The following MCRS1 variants were observed in gnomAD, a reference collection of about 807,000 sequenced individuals.
The protein encoded by MCRS1 is microspherule protein 1.
A neutral mutation model predicts 62.9 loss-of-function variants in MCRS1; 22 were observed. That is an observed-to-expected ratio of 0.35 (90% CI 0.25 to 0.50). The LOEUF is 0.50. Among genes scored for constraint, MCRS1 ranks in the 20% least tolerant of loss-of-function variants. MCRS1 has a pLI of 0.98. For synonymous variants in MCRS1, 244 were observed against 233.5 expected (o/e 1.04, Z -0.41); for missense variants, 456 against 601.1 (o/e 0.76, Z 2.52).
At position 49,558,917 on chromosome 12, in the gene MCRS1, G is replaced by A. The variant is rs967931087; in HGVS notation, c.1228C>T (p.Arg410Trp). 2 of 1,612,712 alleles carry A rather than the reference G, an allele frequency of 1.2e-6. No individual in the cohort carries two copies. The highest frequency in any genetic ancestry group is 1.7e-5 in the Admixed American group (1 of 59,988). The change falls in exon 14 of 15, where the codon CGG (arginine) becomes TGG (tryptophan). Residue 410 changes from arginine (R) to tryptophan (W), a missense_variant. Coordinates refer to ENST00000343810, the MANE Select transcript of MCRS1 (RefSeq NM_006337.5). Reference protein sequence around the residue: ...GDFFIANEGRRPIYIDGRPVL... With the variant: ...GDFFIANEGRWPIYIDGRPVL... ...GGCCGTCCATCGATGTAGATGGGCC[G>A]TCGACCCTCATTGGCAATGAAGAAA...
intron 5 of MCRS1, 57 bp downstream of exon 5, chr12:49,564,680 G>A: frequency 2.5e-6 from 4 of 1,602,594 alleles, no homozygotes; most frequent in Non-Finnish European, 3.4e-6. Context: ...CTAATTTTGG[G>A]GTGCGAACTG....
chr12:49,561,177 G>A (rs945482293), intron 8 of MCRS1, among the ~76,000 whole-genome samples: 2 of 152,190 alleles, frequency 1.3e-5, no homozygotes, highest in African/African-American at 4.8e-5. Flanking sequence ...GGGCAACAGG[G>A]AAAGACCCTG....
chr12:49,564,873 G>C lies in MCRS1; in HGVS notation c.311C>G (p.Pro104Arg). ...GGCTGGGGCTGGGCTGGGTGGCACA[G>C]GAGTGCTGGGGGCTTTGGATACCTG... ...KKKVSKAPSTPVPPSPAPAPG... is the reference protein window; with the variant it reads ...KKKVSKAPSTRVPPSPAPAPG... Residue 104 changes from proline to arginine, a missense_variant, in exon 5 of 15, where the codon CCT (proline) becomes CGT (arginine). Transcript: ENST00000343810. 1 of 1,605,634 alleles carries C rather than the reference G, an allele frequency of 6.2e-7. No homozygotes were observed.
chr12:49,559,024 T>C lies in MCRS1; in HGVS notation c.1175-54A>G, dbSNP rs2138180264. On this transcript the variant is annotated intron_variant, in intron 13 of 14. Transcript: ENST00000343810. This position sits in a 1 kb window ranked among gnomAD's most constrained non-coding sequence, Gnocchi z 5.2. The stretch of plus-strand genomic sequence containing the variant: ...ATGGGATGGGGAGGGATTGATGGGA[T>C]GGGGAAAGGCCAGAGAGAGCCAGGA... 2 of 1,605,660 alleles carry C rather than the reference T, an allele frequency of 1.2e-6. No individual in the cohort carries two copies. Among genetic ancestry groups the C allele is most frequent in the Middle Eastern group, 1.7e-4 (1 of 6,038 alleles).
chr12:49,564,954 C>A, intron 4 of MCRS1, 59 bp from the exon 5 acceptor site: 1 of 1,514,516 alleles, frequency 6.6e-7, no homozygotes, highest in South Asian at 1.3e-5. Flanking sequence ...GCTGGCGCTT[C>A]ATGACTAGAG....
chr12:49,563,046 G>T lies in MCRS1; in HGVS notation c.760C>A (p.His254Asn). The T allele has an allele frequency of 6.3e-7, 1 of 1,586,372 alleles. No homozygotes were observed. Among genetic ancestry groups the T allele is most frequent in the East Asian group, 2.3e-5 (1 of 43,970 alleles). ...LARTAKALQA[H>N]WQLMKQYYLL... ...TAATACTGCTTCATGAGCTGCCAGT[G>T]GGCCTGCAGGGCCTTCGCGGTACGG... Residue 254 changes from histidine (H) to asparagine (N), a missense_variant, in exon 8 of 15, where the codon CAC (histidine) becomes AAC (asparagine). Coordinates refer to ENST00000343810, the MANE Select transcript of MCRS1 (RefSeq NM_006337.5).
At position 49,566,685 on chromosome 12, in the gene MCRS1, C is replaced by A. The variant is rs1035894220; in HGVS notation, c.10+37G>T. 3.7e-6 allele frequency: 6 copies of A among 1,613,646 alleles called. No homozygotes were observed. In the South Asian group the frequency reaches 6.6e-5, roughly 18 times the overall value. On this transcript the variant is annotated intron_variant, in intron 2 of 14. Transcript: ENST00000343810. ...GAGTGGAATCAGCAGATGCTTGGCG[C>A]CCGAGCATTTGGGGAGCTGTCCCGG...
At chr12:49,566,241 G>T in intron 2 of MCRS1, 26 bp from the exon 3 acceptor site, 1 of 1,604,104 alleles carries the variant, frequency 6.2e-7, no homozygotes. Flanking sequence ...TGGTGGATTC[G>T]GGCCTCCTAA....
In MCRS1 at chr12:49,562,882, A is replaced by C. The variant is rs1296897379; in HGVS notation, c.805+119T>G. 2.3e-6 allele frequency: 3 copies of C among 1,319,888 alleles called. No homozygotes were observed. In the East Asian group the frequency reaches 7.6e-5, roughly 33 times the overall value. The allele number at this position is 1,319,888 out of a possible 1,614,324, so 81.8% of individuals were successfully genotyped here. The stretch of plus-strand genomic sequence containing the variant: ...TTTTGCAATGTGAGGTGAACAAGAC[A>C]CTGGGGATCACTGAGGAATCTGTTA... On this transcript the variant is annotated intron_variant, in intron 8 of 14. Transcript: ENST00000343810.
chr12:49,564,947 G>A (rs1938974932), intron 4 of MCRS1, 52 bp from the exon 5 acceptor site: 2 of 1,514,070 alleles, frequency 1.3e-6, no homozygotes, highest in Admixed American at 4.4e-5. Flanking sequence ...CCAGTCAGCT[G>A]GCGCTTCATG....
intron 1 of MCRS1, among the ~76,000 whole-genome samples, chr12:49,567,117 A>G (rs575232055): frequency 1.3e-5 from 2 of 152,294 alleles, no homozygotes; most frequent in South Asian, 2.1e-4. Context: ...TTCTACTGGT[A>G]TCTCCTAGGT....
intron 8 of MCRS1, 138 bp from the exon 9 acceptor site, chr12:49,560,508 T>C (rs1938710517): frequency 5.4e-6 from 4 of 735,608 alleles, no homozygotes; most frequent in Non-Finnish European, 9.7e-6. Context: ...CCATACCAGA[T>C]TAGGCTGGGC....
intron 9 of MCRS1, 95 bp downstream of exon 9, chr12:49,560,200 G>C (rs1938691308): frequency 7.2e-7 from 1 of 1,391,522 alleles, no homozygotes; most frequent in Non-Finnish European, 1.0e-6. Flanking sequence ...AGCACCAACG[G>C]GAGCCCAAGG....
At chr12:49,565,285 G>C in intron 4 of MCRS1, 1 of 985,390 alleles carries the variant, frequency 1.0e-6, no homozygotes, top group South Asian at 4.7e-5. Context: ...ATAGATGCAT[G>C]CTCCATGCCT....
chr12:49,558,680 AG>A lies in MCRS1; in HGVS notation c.1351del (p.Leu451SerfsTer34). 6.2e-7 allele frequency: 1 copy of A among 1,613,748 alleles called. No homozygotes were observed. The highest frequency in any genetic ancestry group is 8.5e-7 in the Non-Finnish European group (1 of 1,180,028). ...GATCTTGGCAGCCTCAGCCCTGATG[AG>A]GGCAATGAGGTCCTGGTTGATAAGG... ...VFLINQDLIA[L>X]IRAEAAKITP... On this transcript the variant is annotated frameshift_variant, in exon 15 of 15. Transcript: ENST00000343810. LOFTEE classifies it high-confidence loss of function.
At position 49,564,476 on chromosome 12, in the gene MCRS1, C is replaced by T; in HGVS notation, c.557+5G>A. On this transcript the variant is annotated splice_donor_5th_base_variant and intron_variant, in intron 6 of 14. Transcript: ENST00000343810. ...TCCCCACTGCTGGAACCAGCTCCCA[C>T]TCACTTGGAGATGACAGGATCGTAG... 1 of 1,608,724 alleles carries T rather than the reference C, an allele frequency of 6.2e-7. No homozygotes were observed. The highest frequency in any genetic ancestry group is 1.1e-5 in the South Asian group (1 of 90,540).
chr12:49,564,297 C>T (rs924668238), intron 6 of MCRS1, among the ~76,000 whole-genome samples, 184 bp downstream of exon 6: 2 of 152,208 alleles, frequency 1.3e-5, no homozygotes, highest in Admixed American at 6.5e-5. Flanking sequence ...TGCAGACTCC[C>T]TTGCCTGGAG....
chr12:49,564,581 G>A lies in MCRS1; in HGVS notation c.457C>T (p.Leu153=), dbSNP rs1291054667. 2 of 1,609,850 alleles carry A rather than the reference G, an allele frequency of 1.2e-6. No individual in the cohort carries two copies. The highest frequency in any genetic ancestry group is 1.1e-5 in the South Asian group (1 of 90,434). The change falls in exon 6 of 15, where the codon CTG becomes TTG. Residue 153 remains leucine, a synonymous_variant. Transcript: ENST00000343810. ...LINAVLQTND[L]TSVHLGVKFS... ...TTCACGCCCAGGTGGACGGAGGTCA[G>A]GTCGTTGGTCTGCAAGGCCCCAGAA...
Position 49,559,329 on chromosome 12 carries a change from G to A in MCRS1, c.1087-28C>T, listed in dbSNP as rs779065504. On this transcript the variant is annotated intron_variant, in intron 12 of 14. Coordinates refer to ENST00000343810, the MANE Select transcript of MCRS1 (RefSeq NM_006337.5). This position sits in a 1 kb window ranked among gnomAD's most constrained non-coding sequence, Gnocchi z 5.2. The stretch of plus-strand genomic sequence containing the variant: ...GGGGAAATGGGGCAGGTGAGGGCTG[G>A]GACCTGAAGAATTGGGGGAGTAGGT... 2 of 1,611,348 alleles carry A rather than the reference G, an allele frequency of 1.2e-6. No individual in the cohort carries two copies. Among genetic ancestry groups the A allele is most frequent in the South Asian group, 2.2e-5 (2 of 91,014 alleles).
Sources: allele counts gnomAD v4.1 joint callset (sites outside exome capture counted in the v4.1 genomes callset), GRCh38; gene constraint gnomAD v4.1.1; non-coding constraint Gnocchi (gnomAD v3.1); transcripts MANE v1.5; gene names NCBI Gene and HGNC (gene_info 2026-07-23, HGNC 2026-07-21).